TRIM9: variants seen among roughly 807,000 people sequenced by gnomAD.
TRIM9 encodes the protein E3 ubiquitin-protein ligase TRIM9.
TRIM9 carries 26 observed loss-of-function variants against 78.3 expected under a neutral mutation model. The observed-to-expected ratio is 0.33, with a 90% CI of 0.24 to 0.46. TRIM9 has a LOEUF of 0.46. Among genes scored for constraint, TRIM9 ranks in the 20% least tolerant of loss-of-function variants. The pLI is 1.00. For missense variants in TRIM9, 787 were observed against 1,036.4 expected (o/e 0.76, Z 3.30); for synonymous variants, 398 against 416.5 (o/e 0.96, Z 0.54).
intron 1 of TRIM9, among the ~76,000 whole-genome samples, chr14:51,089,536 A>C (rs2064111761): frequency 6.6e-6 from 1 of 152,252 alleles, no homozygotes; most frequent in Non-Finnish European, 1.5e-5. Context: ...CATGGCATAT[A>C]CAGGAGAAAC....
chr14:51,018,041 T>C (rs987512452), intron 3 of TRIM9, among the ~76,000 whole-genome samples: 10 of 152,234 alleles, frequency 6.6e-5, no homozygotes, highest in Admixed American at 6.5e-4. Flanking sequence ...ATAATTAGAA[T>C]TGGCTTCTAC....
intron 5 of TRIM9, among the ~76,000 whole-genome samples, chr14:51,002,932 G>A (rs1261402954): frequency 6.6e-6 from 1 of 152,198 alleles, no homozygotes; most frequent in African/African-American, 2.4e-5. Flanking sequence ...CACAGGGTTT[G>A]GATGAAATCT....
Position 51,094,192 on chromosome 14 carries a change from A to G in TRIM9, c.748T>C (p.Tyr250His). The change falls in exon 1 of 13, where the codon TAC becomes CAC. Residue 250 changes from tyrosine (Y) to histidine (H), a missense_variant. Physicochemically the swap from Tyr to His is moderately conservative, Grantham distance 83 (BLOSUM62 2). This residue lies in a region of TRIM9 where 352 missense variants were observed against 472.3 expected (regional missense o/e 0.75). Coordinates refer to ENST00000684578, the MANE Select transcript of TRIM9 (RefSeq NM_001387360.1). Reference sequence around the variant, plus strand: ...TGTTTGCCCTCCTCCAAGCACTGGTAGCACACGGGCATCTTGCATTGCACG... The same window carrying G: ...TGTTTGCCCTCCTCCAAGCACTGGTGGCACACGGGCATCTTGCATTGCACG... ...YCVQCKMPVC[Y>H]QCLEEGKHSS... 1.2e-6 allele frequency: 2 copies of G among 1,614,250 alleles called. No homozygotes were observed. Among genetic ancestry groups the G allele is most frequent in the Non-Finnish European group, 1.7e-6 (2 of 1,180,042 alleles).
At chr14:51,078,565 G>T (rs1020522839) in intron 1 of TRIM9, among the ~76,000 whole-genome samples, 2 of 152,174 alleles carry the variant, frequency 1.3e-5, no homozygotes, top group Admixed American at 1.3e-4. Flanking sequence ...CGTGGGTTAT[G>T]CTAAGTAGAT....
At chr14:50,995,987 A>G (rs191100965) in intron 7 of TRIM9, 9 of 542,636 alleles carry the variant, frequency 1.7e-5, no homozygotes, top group African/African-American at 1.4e-4. Context: ...GCTATTCACT[A>G]TATTTTTTCT....
chr14:51,078,155 A>C (rs1228125989), intron 1 of TRIM9, among the ~76,000 whole-genome samples: 2 of 152,214 alleles, frequency 1.3e-5, no homozygotes, highest in African/African-American at 2.4e-5. Context: ...AGGTAGTTAC[A>C]GTGAGGACGG....
At chr14:51,011,583 T>C (rs1566576231) in intron 3 of TRIM9, among the ~76,000 whole-genome samples, 1 of 152,222 alleles carries the variant, frequency 6.6e-6, no homozygotes, top group Non-Finnish European at 1.5e-5. Context: ...AAAATACATC[T>C]AGTGTTTTGG....
intron 1 of TRIM9, among the ~76,000 whole-genome samples, chr14:51,053,902 G>C (rs761779536): frequency 4.6e-5 from 7 of 152,092 alleles, no homozygotes; most frequent in Non-Finnish European, 1.0e-4. Context: ...TATATTATGG[G>C]TAAGAGTGAA....
At chr14:50,992,120 T>A (rs1233220380) in intron 7 of TRIM9, among the ~76,000 whole-genome samples, 1 of 152,230 alleles carries the variant, frequency 6.6e-6, no homozygotes, top group African/African-American at 2.4e-5. Flanking sequence ...GGCACACACA[T>A]CACTGTCCTC....
chr14:51,075,355 G>GT (rs1213449271), intron 1 of TRIM9, among the ~76,000 whole-genome samples: 2 of 151,804 alleles, frequency 1.3e-5, no homozygotes, highest in Admixed American at 6.6e-5. Context: ...CTTGTTTATT[G>GT]TTTTTTTCTT....
Position 51,095,031 on chromosome 14 carries a change from C to G in TRIM9, c.-92G>C. 3 of 1,009,920 alleles carry G rather than the reference C, an allele frequency of 3.0e-6. No individual in the cohort carries two copies. The highest frequency in any genetic ancestry group is 3.9e-6 in the Non-Finnish European group (3 of 762,746). The allele number at this position is 1,009,920 out of a possible 1,614,324, so 62.6% of individuals were successfully genotyped here. A position where few individuals can be genotyped will look rare whatever the true frequency, so the allele number is the denominator to read the frequency against. On this transcript the variant is annotated 5_prime_UTR_variant, in exon 1 of 13. Transcript: ENST00000684578. ...GGCCCGTCTTGTCCAGCACCCTGGC[C>G]AGCGGCGGCGGCTGTGGTGGTGGTG...
At chr14:51,018,805 C>T (rs534378650) in intron 3 of TRIM9, among the ~76,000 whole-genome samples, 1 of 152,214 alleles carries the variant, frequency 6.6e-6, no homozygotes, top group East Asian at 1.9e-4. Flanking sequence ...GAATTTTTCC[C>T]CAGAATCATT....
chr14:51,010,155 A>G (rs1444407878), intron 4 of TRIM9, among the ~76,000 whole-genome samples: 2 of 152,138 alleles, frequency 1.3e-5, no homozygotes, highest in Non-Finnish European at 2.9e-5. Context: ...AAGAAAAAGA[A>G]AAAAGCCCAT....
chr14:50,983,531 C>T (rs1307983914), intron 8 of TRIM9, 110 bp from the exon 9 acceptor site: 1 of 695,838 alleles, frequency 1.4e-6, no homozygotes, highest in Non-Finnish European at 2.1e-6. Context: ...GAGGCCTGAT[C>T]CATGAAAAAA....
chr14:50,997,292 T>A (rs2054335672), intron 7 of TRIM9: 1 of 985,274 alleles, frequency 1.0e-6, no homozygotes, highest in Admixed American at 6.1e-5. Flanking sequence ...TTACTTGTCT[T>A]TGATGACCAA....
intron 3 of TRIM9, among the ~76,000 whole-genome samples, chr14:51,016,039 G>A (rs2057152940): frequency 6.6e-6 from 1 of 152,138 alleles, no homozygotes; most frequent in Admixed American, 6.5e-5. Context: ...ATCTGTGGGG[G>A]ATTGATTCCA....
intron 3 of TRIM9, among the ~76,000 whole-genome samples, chr14:51,020,023 G>C (rs2057596185): frequency 6.6e-6 from 1 of 152,194 alleles, no homozygotes; most frequent in Non-Finnish European, 1.5e-5. Context: ...TGCTCAAGGA[G>C]AGAGAGTTGC....
chr14:51,065,578 C>T (rs1312538870), intron 1 of TRIM9, among the ~76,000 whole-genome samples: 2 of 152,118 alleles, frequency 1.3e-5, no homozygotes, highest in Non-Finnish European at 2.9e-5. Flanking sequence ...CACATTTTTG[C>T]CCTCCTTTGA....
intron 12 of TRIM9, among the ~76,000 whole-genome samples, chr14:50,977,663 G>A (rs974496366): frequency 6.6e-6 from 1 of 152,146 alleles, no homozygotes; most frequent in Admixed American, 6.5e-5. Flanking sequence ...AGATAGAGGA[G>A]CCTACTGGCC....
Sources: gnomAD v4.1 joint callset for allele counts (sites outside exome capture counted in the v4.1 genomes callset) on GRCh38, gnomAD v4.1.1 for gene constraint, gnomAD v4.1.1 regional missense constraint, MANE v1.5 for transcripts, NCBI Gene and HGNC (gene_info 2026-07-23, HGNC 2026-07-21) for gene names.